SH3RF3: variants seen among roughly 807,000 people sequenced by gnomAD.
SH3RF3 encodes E3 ubiquitin-protein ligase SH3RF3.
SH3RF3 carries 29 observed loss-of-function variants against 66.3 expected under a neutral mutation model. The ratio of observed to expected loss-of-function variants is 0.44; its 90% CI spans 0.33 to 0.60. The LOEUF (loss-of-function observed/expected upper bound fraction) is 0.60. Among genes scored for constraint, SH3RF3 ranks in the 20% least tolerant of loss-of-function variants. The pLI is 0.04. For missense variants in SH3RF3, 1,194 were observed against 1,190.9 expected (o/e 1.00, Z -0.04); for synonymous variants, 583 against 532.0 (o/e 1.10, Z -1.32).
At chr2:109,389,419 C>T (rs894200995) in intron 3 of SH3RF3, among the ~76,000 whole-genome samples, 4 of 152,206 alleles carry the variant, frequency 2.6e-5, no homozygotes, top group South Asian at 2.1e-4. Context: ...ACATCTTGAC[C>T]GAGGGCATAC....
At chr2:109,352,565 C>T (rs1410990550) in intron 2 of SH3RF3, among the ~76,000 whole-genome samples, 1 of 152,230 alleles carries the variant, frequency 6.6e-6, no homozygotes, top group African/African-American at 2.4e-5. Context: ...AGCTTTACCT[C>T]TTTTTGTATC....
intron 1 of SH3RF3, among the ~76,000 whole-genome samples, chr2:109,211,857 G>T (rs2105110273): frequency 6.6e-6 from 1 of 152,238 alleles, no homozygotes; most frequent in South Asian, 2.1e-4. Context: ...TGGCCAGGCT[G>T]GTTTCAAACT....
rs1233603658 is a variant in SH3RF3, at chr2:109,129,657, C to G, written c.117C>G (p.Ala39=). 17 of 1,505,920 alleles carry G rather than the reference C, an allele frequency of 1.1e-5. No homozygotes were observed. Among genetic ancestry groups the G allele is most frequent in the Non-Finnish European group, 1.4e-5 (16 of 1,134,238 alleles). 93.3% of individuals were successfully genotyped at this position (1,505,920 alleles called of 1,614,324 possible). A position where few individuals can be genotyped will look rare whatever the true frequency, so the allele number is the denominator to read the frequency against. Residue 39 remains alanine, a synonymous_variant, in exon 1 of 10, where the codon GCC becomes GCG. Transcript: ENST00000309415. ...GGCGGCGTCGGGCGGCGGCCACCGC[C>G]GCGGGGGCGGGCGAGGACATGGACG... ...ERRRRRAAAT[A]AGAGEDMDES...
intron 1 of SH3RF3, among the ~76,000 whole-genome samples, chr2:109,290,464 C>T (rs1195377991): frequency 6.6e-6 from 1 of 152,226 alleles, no homozygotes; most frequent in Non-Finnish European, 1.5e-5. Flanking sequence ...TACCCGGAAT[C>T]CTCATGTTCG....
chr2:109,436,797 A>G, intron 6 of SH3RF3, 96 bp from the exon 7 acceptor site: 1 of 1,487,028 alleles, frequency 6.7e-7, no homozygotes, highest in South Asian at 1.4e-5. Flanking sequence ...TTCATCTCTT[A>G]AAGCCAGCAG....
chr2:109,155,957 T>C (rs186825121), intron 1 of SH3RF3, among the ~76,000 whole-genome samples: 39 of 152,336 alleles, frequency 2.6e-4, no homozygotes, highest in African/African-American at 9.4e-4. Flanking sequence ...TCAGGATCAT[T>C]CTGCATGCTG....
At chr2:109,376,933 A>G (rs1339758250) in intron 3 of SH3RF3, among the ~76,000 whole-genome samples, 1 of 152,236 alleles carries the variant, frequency 6.6e-6, no homozygotes, top group African/African-American at 2.4e-5. Flanking sequence ...CTAGTCTGCA[A>G]TGTGAGGACA....
At chr2:109,334,640 C>T (rs907711921) in intron 1 of SH3RF3, among the ~76,000 whole-genome samples, 1 of 152,158 alleles carries the variant, frequency 6.6e-6, no homozygotes, top group Non-Finnish European at 1.5e-5. Context: ...AGCATGGTGA[C>T]AGGAAGTCAC....
chr2:109,354,003 G>A (rs1682894396), intron 2 of SH3RF3, among the ~76,000 whole-genome samples: 2 of 152,218 alleles, frequency 1.3e-5, no homozygotes, highest in Admixed American at 1.3e-4. Context: ...CTCAGTGACA[G>A]CAGGACAAAG....
At chr2:109,207,658 G>C (rs1325898046) in intron 1 of SH3RF3, among the ~76,000 whole-genome samples, 1 of 152,092 alleles carries the variant, frequency 6.6e-6, no homozygotes, top group Non-Finnish European at 1.5e-5. Flanking sequence ...ATGATGTAAG[G>C]TGCCACCTAT....
chr2:109,240,443 G>T (rs1574522719), intron 1 of SH3RF3, among the ~76,000 whole-genome samples: 2 of 152,152 alleles, frequency 1.3e-5, no homozygotes, highest in Non-Finnish European at 2.9e-5. Flanking sequence ...AGCCAAGATC[G>T]CACCTCTGCA....
intron 8 of SH3RF3, among the ~76,000 whole-genome samples, chr2:109,483,977 A>G (rs552278459): frequency 2.3e-3 from 343 of 150,902 alleles, no homozygotes; most frequent in Non-Finnish European, 4.0e-3. Flanking sequence ...CCTCTATCTC[A>G]GCTCCTTGGA....
In SH3RF3 at chr2:109,449,548, T is replaced by C. The variant is rs561995235; in HGVS notation, c.2148+59T>C. 16 of 1,568,098 alleles carry C rather than the reference T, an allele frequency of 1.0e-5. No homozygotes were observed. In the African/African-American group the frequency reaches 1.8e-4, roughly 17 times the overall value. Reference sequence around the variant, plus strand: ...GAGGCCAGCTGCTTACTGTAACTTTTTGGCACTAGATGGCAGTGGCATTTG... The same window carrying C: ...GAGGCCAGCTGCTTACTGTAACTTTCTGGCACTAGATGGCAGTGGCATTTG... On this transcript the variant is annotated intron_variant, in intron 8 of 9. Transcript: ENST00000309415.
At chr2:109,489,815 G>A (rs1573293952) in intron 8 of SH3RF3, among the ~76,000 whole-genome samples, 1 of 152,166 alleles carries the variant, frequency 6.6e-6, no homozygotes, top group Non-Finnish European at 1.5e-5. Context: ...TCAGCTCACT[G>A]CAACCTCCAC....
chr2:109,494,215 G>T (rs996197387), intron 9 of SH3RF3, among the ~76,000 whole-genome samples: 7 of 152,198 alleles, frequency 4.6e-5, no homozygotes, highest in Admixed American at 4.6e-4. Context: ...CATCTCTGAT[G>T]AATTAGAAAA....
intron 8 of SH3RF3, among the ~76,000 whole-genome samples, chr2:109,475,995 G>C (rs1678673027): frequency 6.6e-6 from 1 of 152,344 alleles, no homozygotes; most frequent in South Asian, 2.1e-4. Flanking sequence ...TTCTTGCTCA[G>C]CTGAAACTGT....
intron 1 of SH3RF3, among the ~76,000 whole-genome samples, chr2:109,197,831 A>G (rs1381365747): frequency 6.6e-6 from 1 of 152,090 alleles, no homozygotes; most frequent in Non-Finnish European, 1.5e-5. Flanking sequence ...TTGGGGAGGA[A>G]CTCCAGGAGA....
chr2:109,365,020 C>G (rs1683128305), intron 2 of SH3RF3, among the ~76,000 whole-genome samples: 1 of 151,602 alleles, frequency 6.6e-6, no homozygotes, highest in East Asian at 1.9e-4. Context: ...GACTCTGTCT[C>G]AAAAAGAAAC....
chr2:109,419,805 G>A (rs1676824591), intron 5 of SH3RF3, among the ~76,000 whole-genome samples, 163 bp downstream of exon 5: 2 of 152,248 alleles, frequency 1.3e-5, no homozygotes, highest in Non-Finnish European at 2.9e-5. Context: ...GAGTGTGGAA[G>A]ACAAAAGTCT....
Sources: allele counts gnomAD v4.1 joint callset (sites outside exome capture counted in the v4.1 genomes callset), GRCh38; gene constraint gnomAD v4.1.1; transcripts MANE v1.5; gene names NCBI Gene and HGNC (gene_info 2026-07-23, HGNC 2026-07-21).